SUPT3H: variants seen among roughly 807,000 people sequenced by gnomAD.
SUPT3H encodes transcription initiation protein SPT3 homolog.
SUPT3H carries 44 observed loss-of-function variants against 44.3 expected under a neutral mutation model. The ratio of observed to expected loss-of-function variants is 0.99; its 90% CI spans 0.78 to 1.28. The LOEUF is 1.28. Ranked by LOEUF, SUPT3H falls within the 50% of genes most tolerant of loss-of-function variation. The pLI, the probability that SUPT3H is intolerant of heterozygous loss-of-function variation, is 0.00. For missense variants in SUPT3H, 380 were observed against 387.1 expected, an observed-to-expected ratio of 0.98 and a Z score of 0.15; for synonymous variants, 124 against 125.6, an observed-to-expected ratio of 0.99 and a Z score of 0.09.
chr6:44,870,940 C>G (rs1322448613), intron 10 of SUPT3H, among the ~76,000 whole-genome samples: 3 of 151,702 alleles, frequency 2.0e-5, no homozygotes, highest in South Asian at 4.2e-4. Context: ...CTTTTCAGAC[C>G]GGCTTAAAAA....
intron 2 of SUPT3H, among the ~76,000 whole-genome samples, chr6:45,175,012 T>TAA (rs57838175): frequency 0.012 from 744 of 62,510 alleles, 16 homozygotes; most frequent in African/African-American, 0.034. Flanking sequence ...CCCTCGTCAC[T>TAA]AAAAAAAAAA....
intron 3 of SUPT3H, among the ~76,000 whole-genome samples, chr6:45,069,598 C>T (rs1370455708): frequency 6.6e-6 from 1 of 152,112 alleles, no homozygotes; most frequent in Non-Finnish European, 1.5e-5. Flanking sequence ...CACTCATAGT[C>T]ACCTTCCTAT....
intron 2 of SUPT3H, among the ~76,000 whole-genome samples, chr6:45,285,467 A>G (rs1779062318): frequency 6.6e-6 from 1 of 152,166 alleles, no homozygotes; most frequent in Non-Finnish European, 1.5e-5. Flanking sequence ...ACAGAGAGCC[A>G]AATCGTGAGT....
chr6:44,933,389 C>G (rs190416418), intron 9 of SUPT3H, among the ~76,000 whole-genome samples: 1 of 151,988 alleles, frequency 6.6e-6, no homozygotes, highest in Non-Finnish European at 1.5e-5. Context: ...GGATTATTTG[C>G]GATGAGAGTG....
At chr6:45,348,476 G>T (rs1791352452) in intron 2 of SUPT3H, among the ~76,000 whole-genome samples, 1 of 137,270 alleles carries the variant, frequency 7.3e-6, no homozygotes, top group African/African-American at 2.8e-5. Flanking sequence ...AGACCAGACT[G>T]ACCAACACAG....
At chr6:45,199,511 G>C (rs1035611424) in intron 2 of SUPT3H, among the ~76,000 whole-genome samples, 1 of 150,938 alleles carries the variant, frequency 6.6e-6, no homozygotes, top group Non-Finnish European at 1.5e-5. Context: ...ATTTGTTTTA[G>C]AATAAAGAAT....
chr6:45,221,849 G>C (rs1766115104), intron 2 of SUPT3H, among the ~76,000 whole-genome samples: 2 of 152,048 alleles, frequency 1.3e-5, no homozygotes, highest in Non-Finnish European at 2.9e-5. Flanking sequence ...AAGAACAAAT[G>C]AAAGGACTCA....
intron 6 of SUPT3H, among the ~76,000 whole-genome samples, chr6:44,985,212 T>TAAATAAAAA (rs1779625887): frequency 8.8e-6 from 1 of 113,608 alleles, no homozygotes; most frequent in Non-Finnish European, 1.8e-5. Context: ...AATAAATAAA[T>TAAATAAAAA]AAATAAAATA....
rs572163082 is a variant in SUPT3H at position 45,373,240 on chromosome 6, G to A, written c.-1+4528C>T. On this transcript the variant is annotated intron_variant, in intron 1 of 10. Coordinates refer to ENST00000371459, the MANE Select transcript of SUPT3H (RefSeq NM_003599.4). ...ATTACAGGCATGAAGTCACAGAGCC[G>A]GCCACGATTTTCATGTTCATTATCT... Among the ~76,000 whole-genome samples, 11 of 152,012 alleles carry A rather than the reference G, an allele frequency of 7.2e-5. 1 individual carries two copies. The South Asian group carries it at 1.7e-3, about 23-fold the overall frequency.
At chr6:45,225,204 C>T (rs6911320) in intron 2 of SUPT3H, among the ~76,000 whole-genome samples, 2 of 150,752 alleles carry the variant, frequency 1.3e-5, no homozygotes, top group Admixed American at 6.6e-5. Context: ...GCTTGAACCT[C>T]GGAGGTGGAG....
intron 10 of SUPT3H, among the ~76,000 whole-genome samples, chr6:44,889,486 A>T (rs1762914741): frequency 6.6e-6 from 1 of 152,222 alleles, no homozygotes; most frequent in Non-Finnish European, 1.5e-5. Flanking sequence ...ATCTTTGACA[A>T]ACCTGAGAAA....
At chr6:45,085,338 T>C (rs1351205050) in intron 3 of SUPT3H, among the ~76,000 whole-genome samples, 1 of 152,128 alleles carries the variant, frequency 6.6e-6, no homozygotes, top group Non-Finnish European at 1.5e-5. Flanking sequence ...GCTGGAATTT[T>C]TATTCAACAT....
At chr6:45,243,197 CAAAAAAAAAA>C (rs61643038) in intron 2 of SUPT3H, among the ~76,000 whole-genome samples, 1 of 72,560 alleles carries the variant, frequency 1.4e-5, no homozygotes, top group African/African-American at 7.4e-5. Context: ...GACTCCTTCT[CAAAAAAAAAA>C]AAAAAAAAAA....
chr6:44,849,220 C>CTTTTTT (rs143665414), intron 10 of SUPT3H, among the ~76,000 whole-genome samples: 1 of 96,634 alleles, frequency 1.0e-5, no homozygotes, highest in African/African-American at 4.2e-5. Context: ...CAAATGAATA[C>CTTTTTT]TTTTTTTTTT....
At chr6:44,978,532 TAAAG>T (rs1778653652) in intron 6 of SUPT3H, among the ~76,000 whole-genome samples, 1 of 152,086 alleles carries the variant, frequency 6.6e-6, no homozygotes, top group Admixed American at 6.6e-5. Flanking sequence ...CATTCTATAA[TAAAG>T]AAAATGATGC....
chr6:45,217,938 G>A (rs1399347238), intron 2 of SUPT3H, among the ~76,000 whole-genome samples: 1 of 151,662 alleles, frequency 6.6e-6, no homozygotes, highest in Non-Finnish European at 1.5e-5. Context: ...AAGCAAGGTG[G>A]AATCTGAAAA....
chr6:45,213,380 A>C (rs529366420), intron 2 of SUPT3H, among the ~76,000 whole-genome samples: 6 of 152,254 alleles, frequency 3.9e-5, no homozygotes, highest in Admixed American at 6.5e-5. Flanking sequence ...GAATGCTCCA[A>C]AAGAAAAATG....
At position 45,108,018 on chromosome 6, in the gene SUPT3H, T is replaced by G. The variant is rs116268618; in HGVS notation, c.102-2012A>C. ...TTAAAAAGTTAATGGAGAAAAGTTA[T>G]CAATCTGATAAAGACCATATATGAA... On this transcript the variant is annotated intron_variant, in intron 2 of 10. Coordinates refer to ENST00000371459, the MANE Select transcript of SUPT3H (RefSeq NM_003599.4). 2.6e-3 allele frequency among the ~76,000 whole-genome samples: 391 copies of G among 152,300 alleles called. 3 individuals are homozygous for G. Among genetic ancestry groups the G allele is most frequent in the African/African-American group, 8.6e-3 (357 of 41,562 alleles).
At chr6:45,252,810 T>C (rs1290103859) in intron 2 of SUPT3H, among the ~76,000 whole-genome samples, 1 of 152,160 alleles carries the variant, frequency 6.6e-6, no homozygotes, top group Non-Finnish European at 1.5e-5. Flanking sequence ...GGGTCAGGGC[T>C]GTGATGAATA....
Sources: gnomAD v4.1 joint callset for allele counts (sites outside exome capture counted in the v4.1 genomes callset) on GRCh38, gnomAD v4.1.1 for gene constraint, MANE v1.5 for transcripts, NCBI Gene and HGNC (gene_info 2026-07-23, HGNC 2026-07-21) for gene names.